Variants in NTRK3 observed in about 807,000 individuals in gnomAD.
The protein encoded by NTRK3 is neurotrophic receptor tyrosine kinase 3.
In NTRK3, 24 loss-of-function variants were observed where a neutral mutation model predicts 91.7. The ratio of observed to expected loss-of-function variants is 0.26; its 90% confidence interval spans 0.19 to 0.37. The LOEUF (loss-of-function observed/expected upper bound fraction) is 0.37, where lower values mean the gene tolerates loss of function less well. Among genes scored for constraint, NTRK3 ranks in the 10% least tolerant of loss-of-function variants. The pLI is 1.00. For missense variants in NTRK3, 880 were observed against 1,068.9 expected (o/e 0.82, Z 2.46); for synonymous variants, 483 against 404.0 (o/e 1.20, Z -2.34).
At chr15:88,014,240 A>T (rs929988201) in intron 14 of NTRK3, among the ~76,000 whole-genome samples, 1 of 152,228 alleles carries the variant, frequency 6.6e-6, no homozygotes, top group Non-Finnish European at 1.5e-5. Context: ...TAAATGGCCC[A>T]AACAAAAAAC....
chr15:87,885,983 A>G (rs2065514000), intron 17 of NTRK3, among the ~76,000 whole-genome samples: 1 of 152,042 alleles, frequency 6.6e-6, no homozygotes, highest in Non-Finnish European at 1.5e-5. Context: ...AATCCATATA[A>G]TACAAAGTGC....
At chr15:88,177,118 G>A (rs1252876814) in intron 5 of NTRK3, among the ~76,000 whole-genome samples, 2 of 152,156 alleles carry the variant, frequency 1.3e-5, no homozygotes, top group Non-Finnish European at 2.9e-5. Flanking sequence ...GTAAGGCTGC[G>A]GCAGAGAGAA....
At chr15:87,955,888 T>A (rs2141155570) in intron 14 of NTRK3, among the ~76,000 whole-genome samples, 1 of 152,294 alleles carries the variant, frequency 6.6e-6, no homozygotes, top group East Asian at 1.9e-4. Context: ...TTATAGTGTG[T>A]GTCAGGAACT....
At chr15:88,169,688 C>A (rs1264110665) in intron 5 of NTRK3, among the ~76,000 whole-genome samples, 3 of 152,198 alleles carry the variant, frequency 2.0e-5, no homozygotes, top group Non-Finnish European at 4.4e-5. Context: ...CCTTGTCAGT[C>A]TGGTTCCAGG....
chr15:88,073,610 C>A (rs561062592), intron 13 of NTRK3, among the ~76,000 whole-genome samples: 3 of 152,110 alleles, frequency 2.0e-5, no homozygotes, highest in Non-Finnish European at 4.4e-5. Context: ...TAACAGCCAC[C>A]CTTAGGCTGC....
At position 87,894,748 on chromosome 15, in the gene NTRK3, A is replaced by G. The variant is rs373928764; in HGVS notation, c.2134-14320T>C. 2.3e-4 allele frequency among the ~76,000 whole-genome samples: 35 copies of G among 152,234 alleles called. No individual in the cohort carries two copies. In the South Asian group the frequency reaches 7.1e-3, roughly 31 times the overall value. On this transcript the variant is annotated intron_variant, in intron 17 of 18. Coordinates refer to ENST00000394480, the Ensembl canonical transcript of NTRK3. ...CAATAGTTCCTTCCCCACATATGCA[A>G]GAGGCTGCCAGAATCTTAGAAATAG...
At chr15:88,073,473 T>C (rs2047263121) in intron 13 of NTRK3, among the ~76,000 whole-genome samples, 1 of 151,918 alleles carries the variant, frequency 6.6e-6, no homozygotes, top group Non-Finnish European at 1.5e-5. Context: ...GTCACAAGCC[T>C]TTCAGGTGGC....
chr15:87,967,325 G>A (rs1477506606), intron 14 of NTRK3, among the ~76,000 whole-genome samples: 1 of 152,124 alleles, frequency 6.6e-6, no homozygotes, highest in Non-Finnish European at 1.5e-5. Context: ...GCTGGGTGGT[G>A]TGCTGGGTGC....
intron 3 of NTRK3, among the ~76,000 whole-genome samples, chr15:88,220,053 CA>C (rs2050111827): frequency 6.6e-6 from 1 of 152,104 alleles, no homozygotes; most frequent in African/African-American, 2.4e-5. Flanking sequence ...CCAAGTAAAT[CA>C]GACTACAATT....
intron 13 of NTRK3, among the ~76,000 whole-genome samples, chr15:88,075,650 G>A (rs1009765126): frequency 2.6e-5 from 4 of 152,128 alleles, no homozygotes; most frequent in Middle Eastern, 3.4e-3. Flanking sequence ...TCTCTCTCTC[G>A]AAGAGCATCC....
intron 10 of NTRK3, among the ~76,000 whole-genome samples, chr15:88,134,560 T>C (rs1299106987): frequency 3.3e-5 from 5 of 152,150 alleles, no homozygotes; most frequent in African/African-American, 1.2e-4. Context: ...GATCAGCAAG[T>C]AGAATGAGGA....
At chr15:88,132,651 C>A (rs756030221) in intron 10 of NTRK3, among the ~76,000 whole-genome samples, 20 of 152,204 alleles carry the variant, frequency 1.3e-4, no homozygotes, top group Non-Finnish European at 2.9e-4. Context: ...GAGCAAGAAT[C>A]ACAGACCAGC....
chr15:87,871,463 C>T (rs1244620134), exon 19 of NTRK3: 1 of 230,636 alleles, frequency 4.3e-6, no homozygotes, highest in South Asian at 1.8e-4. Flanking sequence ...CTCACCCCTC[C>T]TAGGGGGTGG....
At position 88,022,228 on chromosome 15, in the gene NTRK3, T is replaced by C. The variant is rs185014662; in HGVS notation, c.1585+10629A>G. ...CCAAAAGGTAAGGTAAACCATGACC[T>C]TCCATGCAACTGAATGAATAATATC... On this transcript the variant is annotated intron_variant, in intron 14 of 18. Transcript: ENST00000394480. 2.0e-4 allele frequency among the ~76,000 whole-genome samples: 31 copies of C among 152,260 alleles called. 1 individual carries two copies. The East Asian group carries it at 5.8e-3, about 28-fold the overall frequency.
chr15:87,878,043 T>C (rs1408085437), intron 18 of NTRK3, among the ~76,000 whole-genome samples: 2 of 152,184 alleles, frequency 1.3e-5, no homozygotes, highest in African/African-American at 4.8e-5. Flanking sequence ...GATAATTCTT[T>C]ACTGACACTG....
intron 17 of NTRK3, among the ~76,000 whole-genome samples, chr15:87,908,214 C>T (rs764073048): frequency 1.6e-4 from 24 of 152,196 alleles, no homozygotes; most frequent in Non-Finnish European, 3.1e-4. Context: ...ATGTGAACTC[C>T]AGCGGCTCTC....
At chr15:87,912,455 CTG>C (rs1297774059) in intron 17 of NTRK3, among the ~76,000 whole-genome samples, 1 of 152,166 alleles carries the variant, frequency 6.6e-6, no homozygotes, top group African/African-American at 2.4e-5. Context: ...ACTAATCTCT[CTG>C]AGCTTTAATT....
At chr15:88,032,566 C>T (rs1253865204) in intron 14 of NTRK3, among the ~76,000 whole-genome samples, 1 of 152,092 alleles carries the variant, frequency 6.6e-6, no homozygotes, top group East Asian at 1.9e-4. Context: ...AGAACAGCCT[C>T]TCTGTGTCTC....
intron 6 of NTRK3, among the ~76,000 whole-genome samples, chr15:88,146,271 G>A (rs537828449): frequency 3.1e-4 from 47 of 152,300 alleles, no homozygotes; most frequent in African/African-American, 1.1e-3. Context: ...GAAAAGGTAA[G>A]GTTTTGATGC....
Sources: gnomAD v4.1 joint callset for allele counts (sites outside exome capture counted in the v4.1 genomes callset) on GRCh38, gnomAD v4.1.1 for gene constraint, MANE v1.5 for transcripts, NCBI Gene and HGNC (gene_info 2026-07-23, HGNC 2026-07-21) for gene names.